The following MROH7 variants were observed in gnomAD, a reference collection of about 807,000 sequenced individuals.
MROH7 encodes maestro heat like repeat family member 7.
Under a neutral mutation model 129.2 loss-of-function variants are expected in MROH7, and 113 were observed. The observed-to-expected ratio is 0.87, with a 90% CI of 0.75 to 1.02. The LOEUF is 1.02. Among genes scored for constraint, MROH7 ranks in the 50% least tolerant of loss-of-function variants. The pLI is 0.00. For missense variants in MROH7, 1,601 were observed against 1,671.3 expected, an observed-to-expected ratio of 0.96 and a Z score of 0.73; for synonymous variants, 655 against 667.9, an observed-to-expected ratio of 0.98 and a Z score of 0.30.
intron 22 of MROH7, among the ~76,000 whole-genome samples, chr1:54,706,829 A>G (rs540690363): frequency 7.2e-5 from 11 of 152,320 alleles, no homozygotes; most frequent in African/African-American, 2.2e-4. Context: ...GCATGGGTAC[A>G]AGCCTAGCAG....
At position 54,701,138 on chromosome 1, in the gene MROH7, C is replaced by G; in HGVS notation, c.3106-5C>G. The G allele has an allele frequency of 6.2e-7, 1 of 1,613,170 alleles. No individual in the cohort carries two copies. Among genetic ancestry groups the G allele is most frequent in the Non-Finnish European group, 8.5e-7 (1 of 1,180,006 alleles). ...GCCCTCATCCCAAATGCTCCTGCCC[C>G]ACAGACCGCCAAGGTGAAGGCCCTC... is the stretch of plus-strand genomic sequence containing the variant. On this transcript the variant is annotated splice_region_variant and splice_polypyrimidine_tract_variant and intron_variant, in intron 18 of 23. Coordinates refer to ENST00000421030, the MANE Select transcript of MROH7 (RefSeq NM_001039464.4).
rs77347498 is a variant in MROH7, at chr1:54,651,648, T to A, written c.-109-301T>A. The A allele has an allele frequency of 8.2e-3, 1,256 of 152,314 alleles. 14 individuals carry two copies. The highest frequency in any genetic ancestry group is 0.026 in the African/African-American group (1,061 of 41,508). 9.4% of individuals were successfully genotyped at this position (152,314 alleles called of 1,614,324 possible). ...GTCTGCTAACAACTGGAGGACTCTATCCTAAAGATAACAGGAAGCCATGGA... is the reference window on the plus strand; with the variant it reads ...GTCTGCTAACAACTGGAGGACTCTAACCTAAAGATAACAGGAAGCCATGGA... On this transcript the variant is annotated intron_variant, in intron 1 of 23. Transcript: ENST00000421030.
intron 20 of MROH7, 34 bp from the exon 21 acceptor site, chr1:54,702,589 A>G: frequency 1.3e-6 from 2 of 1,531,872 alleles, no homozygotes; most frequent in African/African-American, 2.7e-5. Context: ...CTGGCTGTCC[A>G]CAGTTCTGAT....
rs1056149226 is a variant in MROH7, at chr1:54,695,213, A to T, written c.2850-163A>T. ...TTCATCTGTAAAATGAAGCAGTGAA[A>T]CCAGATGACCTCTGAGATCCCACCC... On this transcript the variant is annotated intron_variant, in intron 16 of 23. Transcript: ENST00000421030. Among the ~76,000 whole-genome samples the T allele has an allele frequency of 3.0e-4, 46 of 152,324 alleles. 1 individual carries two copies. Among genetic ancestry groups the T allele is most frequent in the African/African-American group, 1.1e-3 (46 of 41,580 alleles).
intron 3 of MROH7, among the ~76,000 whole-genome samples, chr1:54,661,464 G>A (rs1644730584): frequency 6.6e-6 from 1 of 151,970 alleles, no homozygotes; most frequent in African/African-American, 2.4e-5. Context: ...TGCCCACCTC[G>A]GCCTCCCAAA....
Position 54,678,872 on chromosome 1 carries a change from A to C in MROH7, c.2049+18A>C, listed in dbSNP as rs1645023064. On this transcript the variant is annotated intron_variant, in intron 11 of 23. Transcript: ENST00000421030. Reference sequence around the variant, plus strand: ...TGATCGAGGTGACTGCCTGGTGCCCATCCAGGAGCGGAGGGTGGGGGGTGA... The same window carrying C: ...TGATCGAGGTGACTGCCTGGTGCCCCTCCAGGAGCGGAGGGTGGGGGGTGA... 6.3e-7 allele frequency: 1 copy of C among 1,588,274 alleles called. No individual in the cohort carries two copies. The highest frequency in any genetic ancestry group is 1.7e-5 in the Admixed American group (1 of 59,954).
chr1:54,654,276 A>G, intron 3 of MROH7, 119 bp downstream of exon 3: 1 of 1,019,354 alleles, frequency 9.8e-7, no homozygotes, highest in South Asian at 1.7e-5. Flanking sequence ...ATAACATATG[A>G]TTTATTAATT....
chr1:54,669,445 C>A (rs1644861561), intron 5 of MROH7, among the ~76,000 whole-genome samples: 1 of 152,170 alleles, frequency 6.6e-6, no homozygotes, highest in African/African-American at 2.4e-5. Flanking sequence ...AAAGTCCTTG[C>A]CCTCCATACC....
intron 1 of MROH7, among the ~76,000 whole-genome samples, chr1:54,647,592 T>C (rs1644486183): frequency 6.6e-6 from 1 of 152,048 alleles, no homozygotes; most frequent in Non-Finnish European, 1.5e-5. Context: ...ATACAAAAAT[T>C]AGCCGGGTGT....
chr1:54,694,740 G>A (rs1645293850), intron 16 of MROH7, among the ~76,000 whole-genome samples: 1 of 152,182 alleles, frequency 6.6e-6, no homozygotes, highest in Non-Finnish European at 1.5e-5. Flanking sequence ...AAAGTGGTCA[G>A]GCCTGAGCCA....
chr1:54,641,795 C>G lies in MROH7; in HGVS notation c.-283C>G, dbSNP rs1644392066. On this transcript the variant is annotated 5_prime_UTR_variant, in exon 1 of 24. Coordinates refer to ENST00000421030, the MANE Select transcript of MROH7 (RefSeq NM_001039464.4). ...GAAGCCTAGGTAAGCTGAGGGGCAG[C>G]TCTGGGAAAGTCCTAGGGGTGGGGG... is the stretch of plus-strand genomic sequence containing the variant. 6.6e-6 allele frequency: 1 copy of G among 151,898 alleles called. No homozygotes were observed. The highest frequency in any genetic ancestry group is 2.4e-5 in the African/African-American group (1 of 41,338). 9.4% of individuals were successfully genotyped at this position (151,898 alleles called of 1,614,324 possible).
intron 15 of MROH7, among the ~76,000 whole-genome samples, chr1:54,689,381 G>T (rs748889996): frequency 8.5e-5 from 13 of 152,294 alleles, no homozygotes; most frequent in Admixed American, 2.6e-4. Flanking sequence ...TGGATATCTG[G>T]CCTCTAGAAC....
chr1:54,663,874 G>A (rs1644773008), intron 3 of MROH7: 1 of 427,438 alleles, frequency 2.3e-6, no homozygotes, highest in African/African-American at 2.1e-5. Flanking sequence ...TCTTGGTGTT[G>A]GCTGTGTTCA....
intron 3 of MROH7, among the ~76,000 whole-genome samples, chr1:54,661,357 C>T (rs972356999): frequency 2.0e-5 from 3 of 151,886 alleles, no homozygotes; most frequent in Non-Finnish European, 4.4e-5. Context: ...GGATTACAGG[C>T]ATGTGCCACC....
intron 4 of MROH7, 72 bp from the exon 5 acceptor site, chr1:54,668,782 G>C: frequency 8.3e-7 from 1 of 1,210,110 alleles, no homozygotes; most frequent in Non-Finnish European, 1.2e-6. Context: ...TAACAGTGCT[G>C]TATGGGCAAC....
intron 14 of MROH7, among the ~76,000 whole-genome samples, chr1:54,683,538 C>T (rs953692899): frequency 2.6e-5 from 4 of 152,202 alleles, no homozygotes; most frequent in African/African-American, 9.7e-5. Flanking sequence ...ATCTGTACTG[C>T]AGCCAAAAAG....
chr1:54,709,897 A>G, intron 23 of MROH7, 49 bp from the exon 24 acceptor site: 2 of 1,586,944 alleles, frequency 1.3e-6, no homozygotes, highest in Non-Finnish European at 8.6e-7. Flanking sequence ...TGAGACCCAC[A>G]TAGGGCCCTG....
At chr1:54,706,208 AG>A (rs1007225637) in intron 21 of MROH7, among the ~76,000 whole-genome samples, 3 of 151,900 alleles carry the variant, frequency 2.0e-5, no homozygotes, top group Non-Finnish European at 2.9e-5. Context: ...TGACTGCAGC[AG>A]GGGGGTAAAT....
chr1:54,673,243 A>C (rs1644929920), intron 8 of MROH7, 57 bp downstream of exon 8: 1 of 1,385,030 alleles, frequency 7.2e-7, no homozygotes, highest in Non-Finnish European at 1.0e-6. Context: ...GGAAGAGAGA[A>C]ATTGGTGCAG....
Sources: allele counts gnomAD v4.1 joint callset (sites outside exome capture counted in the v4.1 genomes callset), GRCh38; gene constraint gnomAD v4.1.1; transcripts MANE v1.5; gene names NCBI Gene and HGNC (gene_info 2026-07-23, HGNC 2026-07-21).